Variants in TTN observed in about 807,000 individuals in gnomAD.
TTN encodes connectin.
Under a neutral mutation model 3,223.0 loss-of-function variants are expected in TTN, and 1,525 were observed. That is an observed-to-expected ratio of 0.47 (90% CI 0.45 to 0.49). The LOEUF (loss-of-function observed/expected upper bound fraction) is 0.49, where lower values mean the gene tolerates loss of function less well. Ranked by LOEUF, TTN falls within the 20% of genes least tolerant of loss-of-function variation. The pLI, the probability that TTN is intolerant of heterozygous loss-of-function variation, is 0.00. For missense variants in TTN, 40,786 were observed against 43,424.0 expected, an observed-to-expected ratio of 0.94 and a Z score of 5.40; for synonymous variants, 14,094 against 15,161.0, an observed-to-expected ratio of 0.93 and a Z score of 5.17.
chr2:178,663,771 T>C (rs370371912), intron 170 of TTN, 48 bp downstream of exon 170: 1 of 1,607,330 alleles, frequency 6.2e-7, no homozygotes, highest in Non-Finnish European at 8.5e-7. Context: ...AAAAATATCT[T>C]CAAGAGCAAA....
At position 178,577,142 on chromosome 2, in the gene TTN, A is replaced by G. The variant is rs776735247; in HGVS notation, c.69193T>C (p.Leu23065=). Residue 23065 remains leucine, a synonymous_variant, in exon 324 of 363, where the codon TTG becomes CTG. Coordinates refer to ENST00000589042, the MANE Select transcript of TTN (RefSeq NM_001267550.2). ...TTAATTGGTGAGCCGCCATCTTCCA[A>G]GGGAGGTGTCCATGTAAGTGTTGCT... The part of the protein sequence containing the change: ...EKATLTWTPP[L]EDGGSPIKSY... 38 of 1,613,192 alleles carry G rather than the reference A, an allele frequency of 2.4e-5. No individual in the cohort carries two copies. In the East Asian group the frequency reaches 8.5e-4, roughly 36 times the overall value.
rs1013723159 is a variant in TTN, at chr2:178,608,264, T to C, written c.52619A>G (p.Tyr17540Cys). ...ATTTTCAGCACATACTCTGAAGACA[T>C]AGGTGAGTCCTTCTAATAAGCCATC... ...NVDGLLEGLT[Y>C]VFRVCAENAA... The change falls in exon 275 of 363, where the codon TAT (tyrosine) becomes TGT (cysteine). Residue 17540 changes from tyrosine to cysteine, a missense_variant. Physicochemically the swap from Tyr to Cys is radical, Grantham distance 194 (BLOSUM62 -2). Transcript: ENST00000589042. 5 of 1,611,480 alleles carry C rather than the reference T, an allele frequency of 3.1e-6. No homozygotes were observed. The highest frequency in any genetic ancestry group is 1.7e-5 in the Admixed American group (1 of 59,812).
chr2:178,713,985 A>C lies in TTN; in HGVS notation c.26673T>G (p.Asn8891Lys). The C allele has an allele frequency of 6.2e-7, 1 of 1,613,674 alleles. No homozygotes were observed. The highest frequency in any genetic ancestry group is 8.5e-7 in the Non-Finnish European group (1 of 1,179,698). ...ATACCCCACTGTCACTCGGTGCTAC[A>C]TTGATGATCTTAAGGCCGGATACTT... ...FNKVSGLKIINVAPSDSGVYS... is the reference protein window; with the variant it reads ...FNKVSGLKIIKVAPSDSGVYS... The change falls in exon 92 of 363, where the codon AAT (asparagine) becomes AAG (lysine). Residue 8891 changes from asparagine to lysine, a missense_variant. By Grantham distance (94) the Asn-to-Lys change is moderately conservative (BLOSUM62 0). Transcript: ENST00000589042.
intron 119 of TTN, 133 bp from the exon 120 acceptor site, chr2:178,692,713 A>G: frequency 1.6e-6 from 1 of 643,518 alleles, no homozygotes; most frequent in South Asian, 2.8e-5. Context: ...TAGAAATGAG[A>G]GTAAATGAAG....
chr2:178,720,889 A>G (rs746394735), intron 79 of TTN, 32 bp downstream of exon 79: 1 of 1,543,312 alleles, frequency 6.5e-7, no homozygotes, highest in South Asian at 1.3e-5. Flanking sequence ...TCAGAGGAGA[A>G]TAAAGAAACA....
intron 242 of TTN, among the ~76,000 whole-genome samples, chr2:178,623,561 C>T (rs1459220624): frequency 6.6e-6 from 1 of 151,814 alleles, no homozygotes; most frequent in East Asian, 1.9e-4. Flanking sequence ...TGCAGCTGAG[C>T]CTTCTTGGAG....
chr2:178,530,183 ATTTAGAAGATAAAATAT>A, intron 358 of TTN, 41 bp downstream of exon 358: 2 of 1,562,890 alleles, frequency 1.3e-6, no homozygotes, highest in Non-Finnish European at 1.7e-6. Context: ...GGGAAGCTGA[ATTTAGAAGATAAAATAT>A]TTTAGAAGAT....
At chr2:178,665,290 T>C in intron 165 of TTN, 87 bp downstream of exon 165, 1 of 1,246,200 alleles carries the variant, frequency 8.0e-7, no homozygotes, top group East Asian at 2.3e-5. Flanking sequence ...ATATTTAGAA[T>C]TTATGAAGAG....
rs752797889 is a variant in TTN, at chr2:178,689,550, A to G, written c.31892T>C (p.Ile10631Thr). 3 of 1,610,262 alleles carry G rather than the reference A, an allele frequency of 1.9e-6. No individual in the cohort carries two copies. Among genetic ancestry groups the G allele is most frequent in the Admixed American group, 1.7e-5 (1 of 59,604 alleles). Residue 10631 changes from isoleucine to threonine, a missense_variant, in exon 123 of 363, where the codon ATT becomes ACT. By Grantham distance (89) the Ile-to-Thr change is moderately conservative (BLOSUM62 -1). Coordinates refer to ENST00000589042, the MANE Select transcript of TTN (RefSeq NM_001267550.2). ...TGGAGATTCCTCTCTTTGAGTTACA[A>G]TGGTTATTTTTTCTTCTGTCACAAC... ...KGVVTEEKIT[I>T]VTQREESPPP...
In TTN at chr2:178,561,284, T is replaced by C. The variant is rs545841306; in HGVS notation, c.84848A>G (p.Lys28283Arg). The C allele has an allele frequency of 5.0e-6, 8 of 1,613,838 alleles. No homozygotes were observed. The African/African-American group carries it at 1.1e-4, about 22-fold the overall frequency. The change falls in exon 326 of 363, where the codon AAG becomes AGG. Residue 28283 changes from lysine (K) to arginine (R), a missense_variant. Lys to Arg is a conservative substitution (Grantham distance 26). Transcript: ENST00000589042. ...GCGTTCAACAATGTATCCTGTGATC[T>C]TAGCTCCACCATCATAATGTGGTTT... ...WSKPHYDGGA[K>R]ITGYIVERRE...
At chr2:178,700,391 A>G (rs2074746180) in intron 111 of TTN, among the ~76,000 whole-genome samples, 2 of 152,220 alleles carry the variant, frequency 1.3e-5, no homozygotes, top group Admixed American at 1.3e-4. Context: ...AATCTAATAC[A>G]GTAGTAGTGA....
rs776136342 is a variant in TTN at position 178,731,042 on chromosome 2, C to A, written c.17623G>T (p.Asp5875Tyr). 1 of 1,613,666 alleles carries A rather than the reference C, an allele frequency of 6.2e-7. No homozygotes were observed. The highest frequency in any genetic ancestry group is 1.3e-5 in the African/African-American group (1 of 75,002). The part of the protein sequence containing the change: ...LGSKYKISVT[D>Y]TVSILKIIST... ...ATAATCTTCAGTATTGAGACTGTAT[C>A]AGTGACACTGATTTTATATTTTGAG... Residue 5875 changes from aspartate to tyrosine, a missense_variant, in exon 60 of 363, where the codon GAT becomes TAT. Physicochemically the swap from Asp to Tyr is radical, Grantham distance 160. Transcript: ENST00000589042.
intron 47 of TTN, chr2:178,748,508 T>A (rs1184710215): frequency 6.2e-7 from 1 of 1,613,074 alleles, no homozygotes; most frequent in Non-Finnish European, 8.5e-7. Context: ...CCCTTGGAAC[T>A]CCAGAGCTGG....
rs1241716365 is a variant in TTN at position 178,532,491 on chromosome 2, T to A, written c.104124A>T (p.Leu34708=). The A allele has an allele frequency of 6.2e-7, 1 of 1,613,906 alleles. No homozygotes were observed. The highest frequency in any genetic ancestry group is 1.3e-5 in the African/African-American group (1 of 74,928). ...RSPPHFELSS[L]RYSSPQAHVK... Reference sequence around the variant, plus strand: ...CATGAGCTTGTGGTGAAGAGTAACGTAGGCTAGAAAGCTCAAAGTGTGGAG... The same window carrying A: ...CATGAGCTTGTGGTGAAGAGTAACGAAGGCTAGAAAGCTCAAAGTGTGGAG... The change falls in exon 358 of 363, where the codon CTA becomes CTT. Residue 34708 remains leucine, a synonymous_variant. Coordinates refer to ENST00000589042, the MANE Select transcript of TTN (RefSeq NM_001267550.2).
Position 178,634,459 on chromosome 2 carries a change from T to A in TTN, c.42322A>T (p.Ile14108Phe), listed in dbSNP as rs772414514. The A allele has an allele frequency of 5.6e-6, 9 of 1,613,196 alleles. No homozygotes were observed. In the South Asian group the frequency reaches 9.9e-5, roughly 18 times the overall value. ...AATTGAGAATCATTAATAACAAGAA[T>A]ATGTTTCTTTCCATCAGCGATGATA... is the stretch of plus-strand genomic sequence containing the variant. Reference protein sequence around the residue: ...FDIIADGKKHILVINDSQFDD... With the variant: ...FDIIADGKKHFLVINDSQFDD... Residue 14108 changes from isoleucine to phenylalanine, a missense_variant, in exon 230 of 363, where the codon ATT becomes TTT. Transcript: ENST00000589042. The surrounding 1 kb of genome is among the most constrained non-coding windows in gnomAD (Gnocchi z 4.6).
At chr2:178,802,837 G>A (rs1225899826) in intron 2 of TTN, among the ~76,000 whole-genome samples, 1 of 152,176 alleles carries the variant, frequency 6.6e-6, no homozygotes, top group Non-Finnish European at 1.5e-5. Flanking sequence ...TGTGGTTACA[G>A]GGACACTGTC....
rs1181393442 is a variant in TTN at position 178,664,225 on chromosome 2, T to C, written c.36281-127A>G. The C allele has an allele frequency of 1.8e-5, 17 of 967,248 alleles. No homozygotes were observed. In the East Asian group the frequency reaches 3.6e-4, roughly 21 times the overall value. 59.9% of individuals were successfully genotyped at this position (967,248 alleles called of 1,614,324 possible). On this transcript the variant is annotated intron_variant, in intron 168 of 362. Transcript: ENST00000589042. ...TGAGATCAGTGGTAACAAGTTCCCA[T>C]AATAGGTGGTGTTTCAGGTTTTAGA...
chr2:178,556,819 T>C, intron 330 of TTN, 29 bp downstream of exon 330: 2 of 1,610,002 alleles, frequency 1.2e-6, no homozygotes, highest in Non-Finnish European at 8.5e-7. Flanking sequence ...TAAATAGCAA[T>C]TTTGATTCAA....
Position 178,542,338 on chromosome 2 carries a change from CG to C in TTN, c.97417del (p.Arg32473ValfsTer19). 7.4e-6 allele frequency: 12 copies of C among 1,613,298 alleles called. No homozygotes were observed. Among genetic ancestry groups the C allele is most frequent in the Non-Finnish European group, 1.0e-5 (12 of 1,179,588 alleles). On this transcript the variant is annotated frameshift_variant, in exon 349 of 363. Coordinates refer to ENST00000589042, the MANE Select transcript of TTN (RefSeq NM_001267550.2). LOFTEE classifies it high-confidence loss of function. Reference sequence around the variant, plus strand: ...CCCGAAGCGGTTTGTTGCAGCCACACGGAACACATACTCATTTCCTTCGGTG... The same window carrying C: ...CCCGAAGCGGTTTGTTGCAGCCACACGAACACATACTCATTTCCTTCGGTG... Reference protein sequence around the residue: ...RLTEGNEYVFRVAATNRFGIG... With the variant: ...RLTEGNEYVFXVAATNRFGIG...
Sources: gnomAD v4.1 joint callset for allele counts (sites outside exome capture counted in the v4.1 genomes callset) on GRCh38, gnomAD v4.1.1 for gene constraint, Gnocchi (gnomAD v3.1) non-coding constraint, MANE v1.5 for transcripts, NCBI Gene and HGNC (gene_info 2026-07-23, HGNC 2026-07-21) for gene names.